The following CTXND1 variants were observed in gnomAD, a reference collection of about 807,000 sequenced individuals.
The protein encoded by CTXND1 is cortexin domain-containing 1 protein.
rs578106764 is a variant in CTXND1, at chr15:80,231,404, G to GGA, written c.-218+20602_-218+20603insTC. 1.7e-3 allele frequency among the ~76,000 whole-genome samples: 229 copies of GGA among 134,946 alleles called. 2 individuals are homozygous for GGA. Among genetic ancestry groups the GGA allele is most frequent in the African/African-American group, 5.8e-3 (213 of 37,026 alleles). 88.5% of individuals were successfully genotyped at this position (134,946 alleles called of 152,430 possible). Reference sequence around the variant, plus strand: ...ATCCTGCATTTAAAAAAAAAGAAAAGAAAAAAAAAAAGAAAAAACTTCTCC... The same window carrying GGA: ...ATCCTGCATTTAAAAAAAAAGAAAAGGAAAAAAAAAAAAGAAAAAACTTCTCC... On this transcript the variant is annotated intron_variant, in intron 1 of 2. Transcript: ENST00000560778.
chr15:80,250,333 G>GTT lies in CTXND1; in HGVS notation c.-218+1672_-218+1673dup, dbSNP rs769065181. 3.4e-5 allele frequency among the ~76,000 whole-genome samples: 5 copies of GTT among 147,166 alleles called. No homozygotes were observed. In the South Asian group the frequency reaches 8.6e-4, roughly 25 times the overall value. On this transcript the variant is annotated intron_variant, in intron 1 of 2. Transcript: ENST00000560778. ...AGCAATTGAACTTCTAGTTGAGCTA[G>GTT]TTTTTTTTTTTCAGGCCAATTAAAG... is the stretch of plus-strand genomic sequence containing the variant.
chr15:80,221,027 G>C (rs1282666038), intron 1 of CTXND1, among the ~76,000 whole-genome samples: 2 of 151,544 alleles, frequency 1.3e-5, no homozygotes, highest in East Asian at 3.9e-4. Flanking sequence ...TCCTGCCTCA[G>C]CCTCCCGAGT....
intron 1 of CTXND1, among the ~76,000 whole-genome samples, chr15:80,230,542 A>G (rs1008348134): frequency 1.3e-5 from 2 of 152,022 alleles, no homozygotes; most frequent in African/African-American, 2.4e-5. Context: ...ATAGATTTCC[A>G]TCCTTATCTT....
chr15:80,226,435 G>A (rs575149200), intron 1 of CTXND1, among the ~76,000 whole-genome samples: 3 of 152,218 alleles, frequency 2.0e-5, no homozygotes, highest in South Asian at 2.1e-4. Context: ...CTGCTGTAAC[G>A]GCCCCAAGTT....
intron 1 of CTXND1, among the ~76,000 whole-genome samples, chr15:80,228,825 T>A (rs1893399371): frequency 1.3e-5 from 2 of 152,050 alleles, no homozygotes; most frequent in African/African-American, 2.4e-5. Flanking sequence ...AGACGGGGTT[T>A]CACCATCTTG....
Position 80,201,683 on chromosome 15 carries a change from A to ATGGCAGGC in CTXND1, c.*79_*86dup, listed in dbSNP as rs2041449830. On this transcript the variant is annotated 3_prime_UTR_variant, in exon 3 of 3. Transcript: ENST00000560778. ...CAGATTCATTCCTTGCCTCTGTGGG[A>ATGGCAGGC]TGGCAGGCTGGCAGGGAACACACGG... 2.5e-6 allele frequency: 1 copy of ATGGCAGGC among 397,848 alleles called. No homozygotes were observed. Among genetic ancestry groups the ATGGCAGGC allele is most frequent in the South Asian group, 1.4e-4 (1 of 7,164 alleles). 24.6% of individuals were successfully genotyped at this position (397,848 alleles called of 1,614,324 possible). A position where few individuals can be genotyped will look rare whatever the true frequency, so the allele number is the denominator to read the frequency against.
At chr15:80,223,303 C>T (rs748591200) in intron 1 of CTXND1, among the ~76,000 whole-genome samples, 2 of 152,254 alleles carry the variant, frequency 1.3e-5, no homozygotes, top group East Asian at 1.9e-4. Context: ...GTGATCTGCC[C>T]GCTTCAGCCT....
At chr15:80,216,048 T>G (rs769510795) in intron 1 of CTXND1, among the ~76,000 whole-genome samples, 5 of 152,230 alleles carry the variant, frequency 3.3e-5, no homozygotes, top group Non-Finnish European at 7.3e-5. Flanking sequence ...GATTTCCACC[T>G]TGTTGAACAT....
chr15:80,241,035 T>C (rs1301456292), intron 1 of CTXND1, among the ~76,000 whole-genome samples: 1 of 152,236 alleles, frequency 6.6e-6, no homozygotes, highest in South Asian at 2.1e-4. Flanking sequence ...TAAACTGGCA[T>C]GTGATACACA....
rs182316304 is a variant in CTXND1 at position 80,237,073 on chromosome 15, T to C, written c.-218+14934A>G. The stretch of plus-strand genomic sequence containing the variant: ...ACAGTTGGCCAGGCGCGGTGGCTCA[T>C]GCCTGTGATCCCAGCACTTTGGGAC... On this transcript the variant is annotated intron_variant, in intron 1 of 2. Coordinates refer to ENST00000560778, the MANE Select transcript of CTXND1 (RefSeq NM_001352888.2). 4.6e-3 allele frequency among the ~76,000 whole-genome samples: 698 copies of C among 152,136 alleles called. 3 individuals carry two copies. The highest frequency in any genetic ancestry group is 7.8e-3 in the Non-Finnish European group (533 of 67,996).
intron 1 of CTXND1, among the ~76,000 whole-genome samples, chr15:80,221,282 T>A (rs1476571018): frequency 1.3e-5 from 2 of 152,208 alleles, no homozygotes; most frequent in Non-Finnish European, 2.9e-5. Flanking sequence ...GTTTTGTCCC[T>A]TTCTTTGCAC....
At chr15:80,248,306 G>A (rs1265066932) in intron 1 of CTXND1, among the ~76,000 whole-genome samples, 3 of 152,212 alleles carry the variant, frequency 2.0e-5, no homozygotes, top group African/African-American at 7.2e-5. Context: ...GCCTGCGTCT[G>A]ATGTGGGGAA....
At chr15:80,240,725 A>T (rs1397703419) in intron 1 of CTXND1, among the ~76,000 whole-genome samples, 1 of 152,250 alleles carries the variant, frequency 6.6e-6, no homozygotes, top group Non-Finnish European at 1.5e-5. Context: ...GACACTTTGT[A>T]CAAGACATAA....
intron 1 of CTXND1, among the ~76,000 whole-genome samples, chr15:80,241,603 AG>A (rs1893567803): frequency 6.6e-6 from 1 of 152,196 alleles, no homozygotes; most frequent in Non-Finnish European, 1.5e-5. Flanking sequence ...TCTGCAGGGC[AG>A]GGTGGGTGCT....
chr15:80,203,841 G>A (rs2142121522), intron 1 of CTXND1, 101 bp from the exon 2 acceptor site: 1 of 152,058 alleles, frequency 6.6e-6, no homozygotes, highest in East Asian at 1.9e-4. Flanking sequence ...GCATGGGGGT[G>A]GGAGCTGCCA....
intron 1 of CTXND1, among the ~76,000 whole-genome samples, chr15:80,205,427 G>A (rs963899532): frequency 6.6e-6 from 1 of 152,158 alleles, no homozygotes; most frequent in African/African-American, 2.4e-5. Flanking sequence ...TATTCTTGGA[G>A]GTTGTACCTA....
chr15:80,228,352 A>AGG (rs1893394694), intron 1 of CTXND1, among the ~76,000 whole-genome samples: 1 of 152,194 alleles, frequency 6.6e-6, no homozygotes, highest in Non-Finnish European at 1.5e-5. Context: ...AATTCTTTGC[A>AGG]GAGGTTTTCA....
At chr15:80,218,935 A>ATTT (rs34740302) in intron 1 of CTXND1, among the ~76,000 whole-genome samples, 18 of 144,170 alleles carry the variant, frequency 1.2e-4, no homozygotes, top group South Asian at 2.2e-4. Context: ...ATTTTCTGTG[A>ATTT]TTTTTTTTTT....
In CTXND1 at chr15:80,213,142, G is replaced by C. The variant is rs567843393; in HGVS notation, c.-217-9402C>G. On this transcript the variant is annotated intron_variant, in intron 1 of 2. Coordinates refer to ENST00000560778, the MANE Select transcript of CTXND1 (RefSeq NM_001352888.2). ...TAACTTGTCTTCCAGGTCCACAGAT[G>C]GAGAGGAATTTTGTCCCAGGGTGGA... Among the ~76,000 whole-genome samples, 23 of 152,322 alleles carry C rather than the reference G, an allele frequency of 1.5e-4. No homozygotes were observed. In the South Asian group the frequency reaches 4.1e-3, roughly 27 times the overall value.
Sources: gnomAD v4.1 joint callset for allele counts (sites outside exome capture counted in the v4.1 genomes callset) on GRCh38, gnomAD v4.1.1 for gene constraint, MANE v1.5 for transcripts, NCBI Gene and HGNC (gene_info 2026-07-23, HGNC 2026-07-21) for gene names.